Variants in ANTXR2 observed in about 807,000 individuals in gnomAD.
ANTXR2 encodes ANTXR cell adhesion molecule 2.
ANTXR2 carries 44 observed loss-of-function variants against 73.7 expected under a neutral mutation model. The ratio of observed to expected loss-of-function variants is 0.60; its 90% CI spans 0.47 to 0.77. The LOEUF is 0.77. ANTXR2 is among the 30% of genes least tolerant of loss of function. The pLI, the probability that ANTXR2 is intolerant of heterozygous loss-of-function variation, is 0.00. For missense variants in ANTXR2, 604 were observed against 592.5 expected (o/e 1.02, Z -0.20); for synonymous variants, 217 against 205.9 (o/e 1.05, Z -0.46).
At chr4:80,019,829 T>C (rs1732070504) in intron 10 of ANTXR2, among the ~76,000 whole-genome samples, 1 of 152,166 alleles carries the variant, frequency 6.6e-6, no homozygotes, top group Non-Finnish European at 1.5e-5. Flanking sequence ...CTAAGAAATA[T>C]TATAGTTAAA....
At chr4:79,960,117 A>G (rs72874003) in intron 16 of ANTXR2, among the ~76,000 whole-genome samples, 30,042 of 152,134 alleles carry the variant, frequency 0.2, 4,958 homozygotes, top group African/African-American at 0.45. Context: ...GTCTGTGTGT[A>G]TGTCTCACCA....
At chr4:79,953,308 A>C (rs1236917216) in intron 16 of ANTXR2, among the ~76,000 whole-genome samples, 1 of 152,190 alleles carries the variant, frequency 6.6e-6, no homozygotes, top group Non-Finnish European at 1.5e-5. Context: ...TACATCAAAG[A>C]ATAAATTTGA....
At chr4:80,006,666 T>C (rs1237362101) in intron 12 of ANTXR2, among the ~76,000 whole-genome samples, 1 of 152,102 alleles carries the variant, frequency 6.6e-6, no homozygotes, top group African/African-American at 2.4e-5. Flanking sequence ...TCCAAGGCTT[T>C]AGAGTACCAT....
chr4:79,950,532 A>G (rs1160317782), intron 16 of ANTXR2, among the ~76,000 whole-genome samples: 1 of 152,166 alleles, frequency 6.6e-6, no homozygotes, highest in Non-Finnish European at 1.5e-5. Flanking sequence ...GATTATTCCA[A>G]TACTTCAGTT....
chr4:79,933,970 C>T (rs1009373721), intron 16 of ANTXR2, among the ~76,000 whole-genome samples: 13 of 151,966 alleles, frequency 8.6e-5, no homozygotes, highest in Non-Finnish European at 1.3e-4. Flanking sequence ...GATCTCCTGA[C>T]CTCGTGATCC....
intron 11 of ANTXR2, 22 bp downstream of exon 11, chr4:80,018,876 C>T: frequency 6.7e-7 from 1 of 1,481,618 alleles, no homozygotes; most frequent in Non-Finnish European, 9.0e-7. Flanking sequence ...AAAAGATAAT[C>T]TTTGTGCAAA....
At chr4:80,009,421 C>T (rs1257849008) in intron 11 of ANTXR2, among the ~76,000 whole-genome samples, 4 of 152,118 alleles carry the variant, frequency 2.6e-5, no homozygotes, top group African/African-American at 9.7e-5. Context: ...GTACTTATCA[C>T]GATGCAACGA....
chr4:80,017,922 C>T (rs1731952146), intron 11 of ANTXR2, among the ~76,000 whole-genome samples: 2 of 152,134 alleles, frequency 1.3e-5, no homozygotes, highest in Non-Finnish European at 1.5e-5. Context: ...TTGGTAAAGA[C>T]TTATCCAAGG....
At position 80,055,193 on chromosome 4, in the gene ANTXR2, GC is replaced by G; in HGVS notation, c.511del (p.Ala171LeufsTer39). On this transcript the variant is annotated frameshift_variant, in exon 6 of 17. Coordinates refer to ENST00000403729, the MANE Select transcript of ANTXR2 (RefSeq NM_058172.6). LOFTEE classifies it high-confidence loss of function. ...KEAKISRSLG[A>X]SVYCVGVLDF... The stretch of plus-strand genomic sequence containing the variant: ...AAGGACACCAACACAATAAACACTA[GC>G]CCCAAGTGACCTGGATATCTTTGCC... 6.4e-7 allele frequency: 1 copy of G among 1,568,768 alleles called. No individual in the cohort carries two copies. The highest frequency in any genetic ancestry group is 1.2e-5 in the South Asian group (1 of 85,510).
intron 12 of ANTXR2, among the ~76,000 whole-genome samples, chr4:80,000,774 G>T (rs1002865140): frequency 6.6e-6 from 1 of 151,976 alleles, no homozygotes; most frequent in African/African-American, 2.4e-5. Context: ...CCAGGTAAAC[G>T]TCATAGTTTC....
chr4:79,932,751 C>T (rs1360287212), intron 16 of ANTXR2, among the ~76,000 whole-genome samples: 1 of 133,464 alleles, frequency 7.5e-6, no homozygotes, highest in Non-Finnish European at 1.5e-5. Flanking sequence ...GAGATCATGC[C>T]ATTGCATTCC....
chr4:80,040,528 T>C (rs963058261), intron 7 of ANTXR2, among the ~76,000 whole-genome samples: 1 of 152,110 alleles, frequency 6.6e-6, no homozygotes, highest in African/African-American at 2.4e-5. Context: ...TTCCCTCTAA[T>C]ATATGCTGTC....
rs536269758 is a variant in ANTXR2 at position 80,024,532 on chromosome 4, G to A, written c.867-5556C>T. 2.5e-3 allele frequency: 713 copies of A among 283,732 alleles called. 21 individuals are homozygous for A. Among genetic ancestry groups the A allele is most frequent in the South Asian group, 0.02 (685 of 34,222 alleles). The allele number at this position is 283,732 out of a possible 1,614,324, so 17.6% of individuals were successfully genotyped here. On this transcript the variant is annotated intron_variant, in intron 10 of 16. Transcript: ENST00000403729. ...TCCCAACACTTTGGGAGGCCAAGGCGGGTGGTTGGCTTGAGCCCAGGAGTT... is the reference window on the plus strand; with the variant it reads ...TCCCAACACTTTGGGAGGCCAAGGCAGGTGGTTGGCTTGAGCCCAGGAGTT...
At chr4:80,061,717 A>C (rs570431290) in intron 3 of ANTXR2, among the ~76,000 whole-genome samples, 2 of 152,202 alleles carry the variant, frequency 1.3e-5, no homozygotes, top group Non-Finnish European at 2.9e-5. Flanking sequence ...GAGCTATTGC[A>C]TATGAAGAAT....
chr4:79,907,524 G>A, intron 16 of ANTXR2, 57 bp from the exon 17 acceptor site: 7 of 1,525,962 alleles, frequency 4.6e-6, no homozygotes, highest in South Asian at 3.4e-5. Flanking sequence ...AAAAAAGCAT[G>A]AGAACATCTA....
At chr4:79,953,966 A>G (rs1728800560) in intron 16 of ANTXR2, among the ~76,000 whole-genome samples, 1 of 152,112 alleles carries the variant, frequency 6.6e-6, no homozygotes, top group African/African-American at 2.4e-5. Context: ...TTAATTCAAC[A>G]CCTGGGCCTA....
intron 16 of ANTXR2, among the ~76,000 whole-genome samples, chr4:79,936,333 T>C (rs1560882195): frequency 1.3e-5 from 2 of 149,942 alleles, no homozygotes; most frequent in African/African-American, 5.1e-5. Flanking sequence ...AGACCTCCTG[T>C]CATCAGAGCT....
chr4:80,005,741 T>C (rs528558353), intron 12 of ANTXR2, among the ~76,000 whole-genome samples: 28 of 152,206 alleles, frequency 1.8e-4, no homozygotes, highest in African/African-American at 6.5e-4. Flanking sequence ...TCCATTTCCA[T>C]TGTTAATGGA....
chr4:80,015,073 T>C (rs953687445), intron 11 of ANTXR2, among the ~76,000 whole-genome samples: 1 of 152,184 alleles, frequency 6.6e-6, no homozygotes. Flanking sequence ...CTCTAAATTG[T>C]CCCATTTTTC....
Sources: allele counts gnomAD v4.1 joint callset (sites outside exome capture counted in the v4.1 genomes callset), GRCh38; gene constraint gnomAD v4.1.1; transcripts MANE v1.5; gene names NCBI Gene and HGNC (gene_info 2026-07-23, HGNC 2026-07-21).